CFAP44: variants seen among roughly 807,000 people sequenced by gnomAD.
CFAP44 encodes cilia- and flagella-associated protein 44.
A neutral mutation model predicts 216.2 loss-of-function variants in CFAP44; 134 were observed. The ratio of observed to expected loss-of-function variants is 0.62; its 90% CI spans 0.54 to 0.72. The LOEUF (loss-of-function observed/expected upper bound fraction) is 0.72, where lower values mean the gene tolerates loss of function less well. Ranked by LOEUF, CFAP44 falls within the 30% of genes least tolerant of loss-of-function variation. The pLI, the probability that CFAP44 is intolerant of heterozygous loss-of-function variation, is 0.00. For missense variants in CFAP44, 2,035 were observed against 2,182.1 expected, an observed-to-expected ratio of 0.93 and a Z score of 1.34; for synonymous variants, 700 against 727.6, an observed-to-expected ratio of 0.96 and a Z score of 0.61.
At chr3:113,405,968 C>A (rs538474608) in intron 8 of CFAP44, among the ~76,000 whole-genome samples, 1 of 152,272 alleles carries the variant, frequency 6.6e-6, no homozygotes, top group African/African-American at 2.4e-5. Flanking sequence ...GATGACTAGA[C>A]AACTTGGTTC....
chr3:113,312,862 T>G (rs952515220), intron 28 of CFAP44, among the ~76,000 whole-genome samples: 6 of 152,130 alleles, frequency 3.9e-5, no homozygotes, highest in African/African-American at 1.4e-4. Context: ...AACCTCCGCC[T>G]AGATTTCAGA....
intron 15 of CFAP44, among the ~76,000 whole-genome samples, chr3:113,393,029 A>G (rs1933888001): frequency 6.6e-6 from 1 of 152,174 alleles, no homozygotes; most frequent in African/African-American, 2.4e-5. Context: ...TAGCCATGGC[A>G]GACAGAATGG....
intron 28 of CFAP44, among the ~76,000 whole-genome samples, chr3:113,313,311 C>A (rs1324181539): frequency 6.6e-6 from 1 of 151,990 alleles, no homozygotes; most frequent in Non-Finnish European, 1.5e-5. Flanking sequence ...TCAATTTATC[C>A]CATTTGCAAT....
At chr3:113,375,338 G>A (rs929617542) in intron 17 of CFAP44, among the ~76,000 whole-genome samples, 1 of 152,152 alleles carries the variant, frequency 6.6e-6, no homozygotes, top group African/African-American at 2.4e-5. Context: ...TCAATTTTAT[G>A]TTATATGTCT....
At chr3:113,336,636 A>T (rs1486512641) in intron 24 of CFAP44, among the ~76,000 whole-genome samples, 1 of 149,062 alleles carries the variant, frequency 6.7e-6, no homozygotes, top group Non-Finnish European at 1.5e-5. Flanking sequence ...CAGAAGAAAG[A>T]AAACAGAAAT....
chr3:113,359,087 T>C (rs910412597), intron 21 of CFAP44, among the ~76,000 whole-genome samples: 8 of 152,186 alleles, frequency 5.3e-5, no homozygotes, highest in Admixed American at 2.6e-4. Context: ...CAAATAAAGC[T>C]ACACAGTTTA....
intron 28 of CFAP44, among the ~76,000 whole-genome samples, chr3:113,314,192 CAGG>C (rs1950066559): frequency 6.6e-6 from 1 of 152,132 alleles, no homozygotes; most frequent in Admixed American, 6.5e-5. Flanking sequence ...GAATTCCAAA[CAGG>C]AGACACCCAA....
chr3:113,336,628 GAAGA>G (rs145938465), intron 24 of CFAP44, among the ~76,000 whole-genome samples: 27,945 of 151,654 alleles, frequency 0.18, 3,090 homozygotes, highest in East Asian at 0.41. Context: ...TAGTAAAGCA[GAAGA>G]AAGAAAACAG....
chr3:113,382,896 A>G (rs1230331900), intron 15 of CFAP44, among the ~76,000 whole-genome samples: 1 of 152,254 alleles, frequency 6.6e-6, no homozygotes, highest in African/African-American at 2.4e-5. Flanking sequence ...GTGGAGAAGA[A>G]AAGTTCTAAA....
chr3:113,379,766 T>A (rs2107335806), intron 16 of CFAP44, among the ~76,000 whole-genome samples: 1 of 152,300 alleles, frequency 6.6e-6, no homozygotes, highest in Non-Finnish European at 1.5e-5. Context: ...AATCTTGGTT[T>A]TATAGAAATT....
At chr3:113,316,997 A>G (rs1289880325) in intron 28 of CFAP44, among the ~76,000 whole-genome samples, 1 of 152,162 alleles carries the variant, frequency 6.6e-6, no homozygotes, top group Non-Finnish European at 1.5e-5. Flanking sequence ...GTCTCCAGAG[A>G]GAAAATGCCA....
Position 113,305,054 on chromosome 3 carries a change from A to C in CFAP44, c.4857T>G (p.Ile1619Met). ...GCATCACCTGGTGGAGCTTGAGCGG[A>C]ATCACAACTAGCAGTTCATTCAGCC... ...QQRLNELLVV[I>M]PLKLHQIEYV... Residue 1619 changes from isoleucine to methionine, a missense_variant, in exon 31 of 35, where the codon ATT (isoleucine) becomes ATG (methionine). Ile to Met is a conservative substitution (Grantham distance 10). This residue lies in a region of CFAP44 where 1,883 missense variants were observed against 2,023.7 expected (regional missense o/e 0.93). Transcript: ENST00000393845. 1 of 1,537,210 alleles carries C rather than the reference A, an allele frequency of 6.5e-7. No individual in the cohort carries two copies. Among genetic ancestry groups the C allele is most frequent in the Non-Finnish European group, 8.7e-7 (1 of 1,146,894 alleles).
intron 15 of CFAP44, among the ~76,000 whole-genome samples, chr3:113,386,468 C>T (rs1440642697): frequency 6.6e-6 from 1 of 152,066 alleles, no homozygotes; most frequent in Non-Finnish European, 1.5e-5. Flanking sequence ...TTGTGTTTGT[C>T]ATTTAAGGCA....
At chr3:113,308,321 T>C in intron 28 of CFAP44, 53 bp from the exon 29 acceptor site, 4 of 1,334,330 alleles carry the variant, frequency 3.0e-6, no homozygotes, top group Non-Finnish European at 3.0e-6. Flanking sequence ...TTAAACTAAA[T>C]ACTAGATTTT....
At chr3:113,372,715 A>G (rs968742540) in intron 18 of CFAP44, among the ~76,000 whole-genome samples, 20 of 152,220 alleles carry the variant, frequency 1.3e-4, no homozygotes, top group African/African-American at 4.8e-4. Context: ...GTACCCTAGA[A>G]CTTAAAGTAT....
intron 21 of CFAP44, among the ~76,000 whole-genome samples, chr3:113,359,729 T>G (rs1307348895): frequency 1.3e-5 from 2 of 152,142 alleles, no homozygotes; most frequent in African/African-American, 4.8e-5. Flanking sequence ...TTATGGGTTT[T>G]TACTTGATCA....
intron 22 of CFAP44, among the ~76,000 whole-genome samples, chr3:113,350,987 C>T (rs1280803623): frequency 6.6e-6 from 1 of 152,164 alleles, no homozygotes; most frequent in African/African-American, 2.4e-5. Context: ...ATAGATGGTT[C>T]CTCCTGGGCG....
At chr3:113,336,889 T>G (rs1950286213) in intron 24 of CFAP44, among the ~76,000 whole-genome samples, 1 of 151,804 alleles carries the variant, frequency 6.6e-6, no homozygotes, top group African/African-American at 2.4e-5. Flanking sequence ...ATTTAACCAC[T>G]GAATGCTTCC....
chr3:113,342,016 A>C, intron 23 of CFAP44, 98 bp from the exon 24 acceptor site: 1 of 1,312,380 alleles, frequency 7.6e-7, no homozygotes, highest in African/African-American at 1.5e-5. Flanking sequence ...AACACAGAGA[A>C]TATATTGAAT....
Sources: allele counts gnomAD v4.1 joint callset (sites outside exome capture counted in the v4.1 genomes callset), GRCh38; gene constraint gnomAD v4.1.1; regional missense constraint gnomAD v4.1.1; transcripts MANE v1.5; gene names NCBI Gene and HGNC (gene_info 2026-07-23, HGNC 2026-07-21).